The following TRIQK variants were observed in gnomAD, a reference collection of about 807,000 sequenced individuals.
The protein encoded by TRIQK is triple QxxK/R motif containing, also known as triple QxxK/R motif-containing protein.
TRIQK carries 10 observed loss-of-function variants against 10.8 expected under a neutral mutation model. That is an observed-to-expected ratio of 0.92 (90% CI 0.57 to 1.57). The LOEUF (loss-of-function observed/expected upper bound fraction) is 1.57, where lower values mean the gene tolerates loss of function less well. Among genes scored for constraint, TRIQK ranks in the 40% most tolerant of loss-of-function variants. The probability of loss-of-function intolerance (pLI) is 0.00; values close to 1 mark genes in which losing one functional copy is unlikely to be tolerated. For missense variants in TRIQK, 107 were observed against 97.7 expected, an observed-to-expected ratio of 1.09 and a Z score of -0.40; for synonymous variants, 33 against 33.7, an observed-to-expected ratio of 0.98 and a Z score of 0.07.
rs927990746 is a variant in TRIQK, at chr8:92,935,975, C to A, written c.-22+18431G>T. ...CCTTAAAAAATAAGACATACACACA[C>A]AAAACAGGTAAGATTAAATGGTCAA... is the stretch of plus-strand genomic sequence containing the variant. On this transcript the variant is annotated intron_variant, in intron 2 of 4. Coordinates refer to ENST00000521988, the MANE Select transcript of TRIQK (RefSeq NM_001171797.2). 4.2e-4 allele frequency among the ~76,000 whole-genome samples: 63 copies of A among 151,592 alleles called. 1 individual carries two copies. Among genetic ancestry groups the A allele is most frequent in the African/African-American group, 1.5e-3 (63 of 41,486 alleles).
rs1439663721 is a variant in TRIQK, at chr8:93,001,151, C to T, written c.-181+16458G>A. 3.3e-5 allele frequency among the ~76,000 whole-genome samples: 5 copies of T among 151,716 alleles called. No homozygotes were observed. The East Asian group carries it at 9.7e-4, about 29-fold the overall frequency. On this transcript the variant is annotated intron_variant, in intron 1 of 4. Coordinates refer to the TRIQK transcript ENST00000520686. ...TGAAACCCCGTCTCTACTAAAAATA[C>T]AAAAAATTAGCGGGGCATGGTGGCG...
At chr8:92,950,843 T>C (rs551237147) in intron 2 of TRIQK, among the ~76,000 whole-genome samples, 104 of 152,266 alleles carry the variant, frequency 6.8e-4, no homozygotes, top group African/African-American at 2.4e-3. Context: ...ATTCTACTTT[T>C]CTATTTTCTT....
chr8:92,980,480 G>A (rs577162320), intron 1 of TRIQK, among the ~76,000 whole-genome samples: 5 of 151,926 alleles, frequency 3.3e-5, no homozygotes, highest in East Asian at 1.9e-4. Flanking sequence ...TCTTTGTTAC[G>A]AAAATCTTTG....
At chr8:92,990,597 A>C (rs1216177008) in intron 1 of TRIQK, among the ~76,000 whole-genome samples, 1 of 152,124 alleles carries the variant, frequency 6.6e-6, no homozygotes, top group Non-Finnish European at 1.5e-5. Flanking sequence ...TGCAGCCCAC[A>C]GAGGGCAAGC....
intron 2 of TRIQK, among the ~76,000 whole-genome samples, chr8:92,944,007 T>C (rs1209202233): frequency 1.3e-5 from 2 of 151,820 alleles, no homozygotes; most frequent in African/African-American, 4.8e-5. Flanking sequence ...GTCGATCAAC[T>C]CAATACAAAA....
intron 1 of TRIQK, among the ~76,000 whole-genome samples, chr8:92,993,475 A>C (rs1325418944): frequency 6.6e-6 from 1 of 152,180 alleles, no homozygotes; most frequent in Non-Finnish European, 1.5e-5. Flanking sequence ...GATAAAGATC[A>C]CTTTGATACA....
intron 3 of TRIQK, among the ~76,000 whole-genome samples, chr8:92,911,253 A>C (rs977962944): frequency 2.4e-4 from 36 of 151,446 alleles, no homozygotes; most frequent in African/African-American, 8.2e-4. Context: ...TAGATACAGA[A>C]AAGATAAAAA....
intron 3 of TRIQK, among the ~76,000 whole-genome samples, chr8:92,908,763 GA>G (rs1809415012): frequency 6.6e-6 from 1 of 151,880 alleles, no homozygotes; most frequent in South Asian, 2.1e-4. Flanking sequence ...TATTTGAAAA[GA>G]AAAATTTGCA....
intron 3 of TRIQK, among the ~76,000 whole-genome samples, chr8:92,897,699 C>T (rs1285982970): frequency 6.6e-6 from 1 of 152,268 alleles, no homozygotes; most frequent in South Asian, 2.1e-4. Context: ...TGGACTAAGA[C>T]ATCATGTAAT....
intron 1 of TRIQK, among the ~76,000 whole-genome samples, chr8:92,989,614 A>G (rs896519461): frequency 6.6e-6 from 1 of 152,188 alleles, no homozygotes; most frequent in Non-Finnish European, 1.5e-5. Flanking sequence ...TTGCAGGAAA[A>G]CAAGCTCAGG....
chr8:92,897,791 G>T (rs1022049685), intron 3 of TRIQK, among the ~76,000 whole-genome samples: 2 of 152,060 alleles, frequency 1.3e-5, no homozygotes, highest in African/African-American at 2.4e-5. Context: ...ATTTGTGTGT[G>T]TGTCTGTATA....
At chr8:93,006,875 C>T (rs1457178264) in intron 1 of TRIQK, among the ~76,000 whole-genome samples, 2 of 152,190 alleles carry the variant, frequency 1.3e-5, no homozygotes, top group African/African-American at 4.8e-5. Flanking sequence ...AAGCCCCTAG[C>T]AGCAGGGGTG....
chr8:92,972,210 G>T (rs1282233434), intron 1 of TRIQK, among the ~76,000 whole-genome samples: 1 of 151,894 alleles, frequency 6.6e-6, no homozygotes, highest in Non-Finnish European at 1.5e-5. Context: ...TTTCCAGTCT[G>T]ACAATCTTTG....
intron 1 of TRIQK, among the ~76,000 whole-genome samples, chr8:93,002,917 T>C (rs1176578954): frequency 1.4e-5 from 2 of 145,316 alleles, no homozygotes; most frequent in Non-Finnish European, 3.0e-5. Flanking sequence ...CAGAACTCCA[T>C]CTCAAAAAAA....
Position 92,990,854 on chromosome 8 carries a change from G to T in TRIQK, c.-181+26755C>A, listed in dbSNP as rs1376238271. On this transcript the variant is annotated intron_variant, in intron 1 of 4. Transcript: ENST00000520686. The stretch of plus-strand genomic sequence containing the variant: ...TGGGCAGACACCAAGCTAGCTGCAG[G>T]AGTTTTTTTTTCATACCCCAGTGGC... Among the ~76,000 whole-genome samples the T allele has an allele frequency of 3.3e-5, 5 of 152,170 alleles. No individual in the cohort carries two copies. The East Asian group carries it at 9.7e-4, about 29-fold the overall frequency.
At chr8:92,909,802 A>T (rs1328099562) in intron 3 of TRIQK, among the ~76,000 whole-genome samples, 1 of 151,728 alleles carries the variant, frequency 6.6e-6, no homozygotes, top group South Asian at 2.1e-4. Flanking sequence ...TGAGTTTGCA[A>T]TTAGTACTCA....
intron 3 of TRIQK, among the ~76,000 whole-genome samples, chr8:92,898,454 CCTT>C (rs1369521658): frequency 6.6e-6 from 1 of 152,070 alleles, no homozygotes; most frequent in Non-Finnish European, 1.5e-5. Flanking sequence ...AATAAACACT[CCTT>C]AGATGGTTTT....
At chr8:93,001,985 C>G (rs1813215442) in intron 1 of TRIQK, among the ~76,000 whole-genome samples, 1 of 152,112 alleles carries the variant, frequency 6.6e-6, no homozygotes, top group South Asian at 2.1e-4. Context: ...ATTTCAGAAA[C>G]TTTACAAATA....
intron 1 of TRIQK, among the ~76,000 whole-genome samples, chr8:93,012,658 C>G (rs987294280): frequency 6.6e-6 from 1 of 151,990 alleles, no homozygotes; most frequent in Admixed American, 6.6e-5. Context: ...ACCATAAAGC[C>G]GTTATAATTC....
Sources: gnomAD v4.1 joint callset for allele counts (sites outside exome capture counted in the v4.1 genomes callset) on GRCh38, gnomAD v4.1.1 for gene constraint, MANE v1.5 for transcripts, NCBI Gene and HGNC (gene_info 2026-07-23, HGNC 2026-07-21) for gene names.